The following SAMMSON variants were observed in gnomAD, a reference collection of about 807,000 sequenced individuals.
The protein encoded by SAMMSON is survival associated mitochondrial melanoma specific oncogenic non-coding RNA.
chr3:70,027,928 G>A (rs2067047517), intron 3 of SAMMSON, among the ~76,000 whole-genome samples: 3 of 152,092 alleles, frequency 2.0e-5, no homozygotes, highest in South Asian at 4.1e-4. Context: ...TTTCATTTGG[G>A]GGTAATATTG....
At chr3:70,243,699 C>T (rs923866577) in intron 4 of SAMMSON, among the ~76,000 whole-genome samples, 3 of 152,108 alleles carry the variant, frequency 2.0e-5, no homozygotes, top group Non-Finnish European at 4.4e-5. Context: ...TTCCTAACGT[C>T]CCCTGGGGAG....
At chr3:70,264,663 A>G (rs191829469) in intron 6 of SAMMSON, among the ~76,000 whole-genome samples, 8 of 152,366 alleles carry the variant, frequency 5.3e-5, no homozygotes, top group African/African-American at 1.9e-4. Flanking sequence ...ACTTTGCTAA[A>G]GACTCACTTT....
intron 7 of SAMMSON, among the ~76,000 whole-genome samples, chr3:70,314,600 A>G (rs1441624961): frequency 6.6e-6 from 1 of 152,140 alleles, no homozygotes; most frequent in African/African-American, 2.4e-5. Context: ...CTAGATGAGA[A>G]AAGACAATTA....
At chr3:70,197,152 A>C (rs1204240532) in intron 4 of SAMMSON, 2 of 398,446 alleles carry the variant, frequency 5.0e-6, no homozygotes, top group Non-Finnish European at 8.8e-6. Context: ...AAACTGGCAA[A>C]ACAGACAGGC....
chr3:70,117,511 A>G (rs1474462911), intron 4 of SAMMSON, among the ~76,000 whole-genome samples: 1 of 152,232 alleles, frequency 6.6e-6, no homozygotes, highest in African/African-American at 2.4e-5. Context: ...ATGAATCATC[A>G]ATTCTTCTTG....
At chr3:70,082,195 G>A (rs750447088) in intron 4 of SAMMSON, among the ~76,000 whole-genome samples, 9 of 152,226 alleles carry the variant, frequency 5.9e-5, no homozygotes, top group Non-Finnish European at 1.0e-4. Context: ...AAGGGCGGTG[G>A]GTATTAGGAG....
At chr3:70,380,900 T>A (rs1436128184) in intron 9 of SAMMSON, among the ~76,000 whole-genome samples, 1 of 152,180 alleles carries the variant, frequency 6.6e-6, no homozygotes, top group Non-Finnish European at 1.5e-5. Flanking sequence ...TGCATAGTAT[T>A]CCATGGTGTA....
intron 4 of SAMMSON, among the ~76,000 whole-genome samples, chr3:70,187,554 C>T (rs1420034752): frequency 6.0e-5 from 9 of 150,602 alleles, no homozygotes. Flanking sequence ...TCTCCTGCCT[C>T]AGCCTCCCGT....
intron 4 of SAMMSON, among the ~76,000 whole-genome samples, chr3:70,134,008 C>A (rs1001996613): frequency 6.6e-6 from 1 of 150,914 alleles, no homozygotes; most frequent in Non-Finnish European, 1.5e-5. Flanking sequence ...CTTTGGGAGG[C>A]CAAGGCAGGC....
chr3:70,162,084 GT>G (rs2067617710), intron 4 of SAMMSON, among the ~76,000 whole-genome samples: 1 of 151,606 alleles, frequency 6.6e-6, no homozygotes, highest in Admixed American at 6.6e-5. Flanking sequence ...AAAAAACAAT[GT>G]TTTGGTTTCA....
At chr3:70,413,775 A>C (rs1701241320) in intron 2 of SAMMSON, among the ~76,000 whole-genome samples, 1 of 152,164 alleles carries the variant, frequency 6.6e-6, no homozygotes, top group African/African-American at 2.4e-5. Context: ...CATTCATTAA[A>C]ATATGGACAA....
chr3:70,299,140 C>T (rs1462248191), intron 7 of SAMMSON, among the ~76,000 whole-genome samples: 1 of 152,082 alleles, frequency 6.6e-6, no homozygotes, highest in Non-Finnish European at 1.5e-5. Flanking sequence ...AATATCCAAA[C>T]ATAGGTAATT....
At chr3:70,388,930 C>A (rs950934950) in intron 9 of SAMMSON, among the ~76,000 whole-genome samples, 11 of 151,996 alleles carry the variant, frequency 7.2e-5, no homozygotes, top group Admixed American at 6.6e-4. Context: ...ATCATGGGGG[C>A]AAATCTCTCA....
intron 2 of SAMMSON, among the ~76,000 whole-genome samples, chr3:70,418,310 G>A (rs1214599419): frequency 6.6e-6 from 1 of 152,182 alleles, no homozygotes; most frequent in African/African-American, 2.4e-5. Flanking sequence ...AGTCACCTTT[G>A]TGTATTCACC....
chr3:70,268,894 C>A (rs1257961500), intron 6 of SAMMSON, among the ~76,000 whole-genome samples: 1 of 152,012 alleles, frequency 6.6e-6, no homozygotes, highest in East Asian at 1.9e-4. Context: ...TTCTGGAGCA[C>A]ATATTATGTA....
At chr3:70,198,825 C>T (rs1357292983) in intron 4 of SAMMSON, among the ~76,000 whole-genome samples, 2 of 152,196 alleles carry the variant, frequency 1.3e-5, no homozygotes, top group Non-Finnish European at 2.9e-5. Context: ...CAGCTTTTAG[C>T]GTGTGACCAA....
chr3:70,079,291 G>T (rs1224283121), intron 4 of SAMMSON, among the ~76,000 whole-genome samples: 1 of 152,128 alleles, frequency 6.6e-6, no homozygotes. Flanking sequence ...TAGGTCCATT[G>T]ATCATCTTGA....
chr3:70,361,031 T>C (rs1002840322), intron 9 of SAMMSON, among the ~76,000 whole-genome samples: 1 of 152,108 alleles, frequency 6.6e-6, no homozygotes, highest in African/African-American at 2.4e-5. Flanking sequence ...TACTTAACCA[T>C]CCCTGTATTA....
At chr3:70,304,772 C>G (rs1226532705) in intron 7 of SAMMSON, among the ~76,000 whole-genome samples, 1 of 152,156 alleles carries the variant, frequency 6.6e-6, no homozygotes, top group Non-Finnish European at 1.5e-5. Flanking sequence ...ATATGTTACC[C>G]TGTTTAGAAT....
Sources: allele counts gnomAD v4.1 joint callset (sites outside exome capture counted in the v4.1 genomes callset), GRCh38; gene constraint gnomAD v4.1.1; transcripts MANE v1.5; gene names NCBI Gene and HGNC (gene_info 2026-07-23, HGNC 2026-07-21).